Variants in ZNF160 observed in about 807,000 individuals in gnomAD.
ZNF160 encodes the protein KRAB zinc finger protein KR18.
In ZNF160, 9 loss-of-function variants were observed where a neutral mutation model predicts 13.1. The ratio of observed to expected loss-of-function variants is 0.69; its 90% CI spans 0.41 to 1.20. The LOEUF is 1.20. Ranked by LOEUF, ZNF160 falls within the 50% of genes most tolerant of loss-of-function variation. The pLI is 0.01. For missense variants in ZNF160, 838 were observed against 988.0 expected, an observed-to-expected ratio of 0.85 and a Z score of 2.04; for synonymous variants, 293 against 333.2, an observed-to-expected ratio of 0.88 and a Z score of 1.31.
chr19:53,093,894 A>C (rs893046721), intron 1 of ZNF160, among the ~76,000 whole-genome samples: 1 of 152,218 alleles, frequency 6.6e-6, no homozygotes, highest in Admixed American at 6.5e-5. Flanking sequence ...AATTTCAGCT[A>C]ATTGAAAAAA....
rs2145441032 is a variant in ZNF160 at position 53,069,545 on chromosome 19, G to A, written c.989C>T (p.Thr330Ile). 2 of 1,614,026 alleles carry A rather than the reference G, an allele frequency of 1.2e-6. No individual in the cohort carries two copies. Among genetic ancestry groups the A allele is most frequent in the Non-Finnish European group, 1.7e-6 (2 of 1,180,012 alleles). Residue 330 changes from threonine (T) to isoleucine (I), a missense_variant, in exon 6 of 6, where the codon ACT becomes ATT. Thr to Ile is a moderately conservative substitution (Grantham distance 89, BLOSUM62 -1). Transcript: ENST00000683776. This position sits in a 1 kb window ranked among gnomAD's most constrained non-coding sequence, Gnocchi z 4.4. ...CTCTCCAGTATGAATTCGCCGATGA[G>A]TTGCAAGGTATGAATTGTGCCTGAA... is the stretch of plus-strand genomic sequence containing the variant. ...KVFRHNSYLA[T>I]HRRIHTGEKP... is the part of the protein sequence containing the mutation.
At chr19:53,086,080 TTCATGTCACTGGA>T (rs1283922731) in intron 3 of ZNF160, 169 bp downstream of exon 3, 1 of 1,371,386 alleles carries the variant, frequency 7.3e-7, no homozygotes, top group African/African-American at 1.4e-5. Flanking sequence ...TCTTCCCAAG[TTCATGTCACTGGA>T]TCACGGGAGA....
intron 3 of ZNF160, among the ~76,000 whole-genome samples, chr19:53,078,799 CAA>C (rs11286009): frequency 1.8e-4 from 25 of 141,218 alleles, no homozygotes; most frequent in East Asian, 2.1e-4. Context: ...GAGCAGCAAT[CAA>C]AAAAAAAAAA....
At chr19:53,092,464 C>G (rs6509723) in intron 1 of ZNF160, among the ~76,000 whole-genome samples, 86,504 of 151,940 alleles carry the variant, frequency 0.57, 25,032 homozygotes, top group Non-Finnish European at 0.61. Flanking sequence ...GCACACGCCA[C>G]TAGGCCCAGC....
intron 4 of ZNF160, among the ~76,000 whole-genome samples, chr19:53,074,657 G>A (rs1023924939): frequency 7.6e-6 from 1 of 131,556 alleles, no homozygotes; most frequent in African/African-American, 2.9e-5. Context: ...GCGACAGAGC[G>A]AGACTCCGCC....
chr19:53,069,530 T>G lies in ZNF160; in HGVS notation c.1004A>C (p.His335Pro). Residue 335 changes from histidine to proline, a missense_variant, in exon 6 of 6, where the codon CAT (histidine) becomes CCT (proline). By Grantham distance (77) the His-to-Pro change is moderately conservative. Transcript: ENST00000683776. The surrounding 1 kb of genome is among the most constrained non-coding windows in gnomAD (Gnocchi z 4.4). ...ACACTTGTAAGGTTTCTCTCCAGTA[T>G]GAATTCGCCGATGAGTTGCAAGGTA... ...NSYLATHRRI[H>P]TGEKPYKCNE... 6.2e-7 allele frequency: 1 copy of G among 1,614,212 alleles called. No individual in the cohort carries two copies. Among genetic ancestry groups the G allele is most frequent in the Non-Finnish European group, 8.5e-7 (1 of 1,180,040 alleles).
intron 3 of ZNF160, among the ~76,000 whole-genome samples, chr19:53,080,034 A>AAG (rs2084566084): frequency 6.6e-6 from 1 of 152,178 alleles, no homozygotes; most frequent in Non-Finnish European, 1.5e-5. Flanking sequence ...ATTCCACTAA[A>AAG]AGACTCCTAG....
At chr19:53,078,986 T>C (rs567280904) in intron 3 of ZNF160, among the ~76,000 whole-genome samples, 10 of 152,120 alleles carry the variant, frequency 6.6e-5, no homozygotes, top group Admixed American at 2.0e-4. Flanking sequence ...CAAGCAAATA[T>C]ATGACAAGGA....
intron 1 of ZNF160, among the ~76,000 whole-genome samples, chr19:53,098,731 C>T (rs112950227): frequency 0.039 from 4,930 of 127,200 alleles, 15 homozygotes; most frequent in Middle Eastern, 0.08. Flanking sequence ...CCCCTGACTG[C>T]GAGCGCATCA....
At position 53,067,698 on chromosome 19, in the gene ZNF160, A is replaced by AAT. The variant is rs2084010099; in HGVS notation, c.*377_*378dup. 1 of 167,846 alleles carries AAT rather than the reference A, an allele frequency of 6.0e-6. No individual in the cohort carries two copies. The highest frequency in any genetic ancestry group is 2.4e-5 in the African/African-American group (1 of 42,020). 10.4% of individuals were successfully genotyped at this position (167,846 alleles called of 1,614,324 possible). ...GCAACCTTTTCGTATGTGAGTTAAA[A>AAT]ATATATAATTTTTAGCATATTTGGA... On this transcript the variant is annotated 3_prime_UTR_variant, in exon 6 of 6. Coordinates refer to ENST00000683776, the MANE Select transcript of ZNF160 (RefSeq NM_001322131.2).
rs778682339 is a variant in ZNF160 at position 53,067,853 on chromosome 19, C to T, written c.*224G>A. On this transcript the variant is annotated 3_prime_UTR_variant, in exon 6 of 6. Transcript: ENST00000683776. Reference sequence around the variant, plus strand: ...CTCAGGATGCATATTACATTTGTTTCGTTTCATCAAAGATATAAATCTTGA... The same window carrying T: ...CTCAGGATGCATATTACATTTGTTTTGTTTCATCAAAGATATAAATCTTGA... The T allele has an allele frequency of 1.7e-5, 9 of 515,156 alleles. No homozygotes were observed. The highest frequency in any genetic ancestry group is 7.7e-5 in the African/African-American group (4 of 52,224). The allele number at this position is 515,156 out of a possible 1,614,324, so 31.9% of individuals were successfully genotyped here. A position where few individuals can be genotyped will look rare whatever the true frequency, so the allele number is the denominator to read the frequency against.
chr19:53,089,028 A>G (rs150052135), intron 2 of ZNF160, among the ~76,000 whole-genome samples: 259 of 152,302 alleles, frequency 1.7e-3, no homozygotes, highest in African/African-American at 6.1e-3. Context: ...CCTTTGCAAC[A>G]TACTTTATAA....
At chr19:53,077,620 G>T (rs907613526) in intron 3 of ZNF160, among the ~76,000 whole-genome samples, 1 of 141,258 alleles carries the variant, frequency 7.1e-6, no homozygotes, top group African/African-American at 2.6e-5. Context: ...AGTGAGCTGG[G>T]ATCCCACCAC....
At chr19:53,082,770 C>T (rs1298117287) in intron 3 of ZNF160, among the ~76,000 whole-genome samples, 1 of 152,190 alleles carries the variant, frequency 6.6e-6, no homozygotes, top group African/African-American at 2.4e-5. Context: ...GGGTATCCTC[C>T]AACCCCAGTT....
intron 3 of ZNF160, among the ~76,000 whole-genome samples, chr19:53,081,615 C>G (rs1008435627): frequency 6.7e-6 from 1 of 149,012 alleles, no homozygotes; most frequent in African/African-American, 2.4e-5. Flanking sequence ...AAAAAAACAA[C>G]AAATATTGAC....
intron 3 of ZNF160, chr19:53,075,474 C>T (rs1302181696): frequency 8.1e-6 from 3 of 368,598 alleles, no homozygotes; most frequent in East Asian, 1.3e-4. Context: ...AACTAAGGCT[C>T]GGTGGGTGGT....
At chr19:53,089,109 G>A (rs1168275190) in intron 2 of ZNF160, among the ~76,000 whole-genome samples, 2 of 152,164 alleles carry the variant, frequency 1.3e-5, no homozygotes, top group Non-Finnish European at 2.9e-5. Context: ...CCTGAGGAGG[G>A]GGGTCAAGTG....
intron 1 of ZNF160, 100 bp downstream of exon 1, chr19:53,103,165 A>C (rs1197848747): frequency 6.6e-6 from 1 of 152,190 alleles, no homozygotes; most frequent in Non-Finnish European, 1.5e-5. Flanking sequence ...GGCCGTGTTT[A>C]CTTGGCCCAA....
rs11286009 is a variant in ZNF160, at chr19:53,078,799, C to CAA, written c.16-3618_16-3617dup. ...GTAGTAAGGCAACTGGAGCAGCAAT[C>CAA]AAAAAAAAAAAAAATCCTAGAACAA... On this transcript the variant is annotated intron_variant, in intron 3 of 5. Coordinates refer to ENST00000683776, the MANE Select transcript of ZNF160 (RefSeq NM_001322131.2). Among the ~76,000 whole-genome samples the CAA allele has an allele frequency of 7.4e-3, 1,044 of 141,208 alleles. 11 individuals are homozygous for CAA. The highest frequency in any genetic ancestry group is 0.022 in the African/African-American group (865 of 38,836). 92.6% of individuals were successfully genotyped at this position (141,208 alleles called of 152,430 possible). A position where few individuals can be genotyped will look rare whatever the true frequency, so the allele number is the denominator to read the frequency against.
Sources: allele counts gnomAD v4.1 joint callset (sites outside exome capture counted in the v4.1 genomes callset), GRCh38; gene constraint gnomAD v4.1.1; non-coding constraint Gnocchi (gnomAD v3.1); transcripts MANE v1.5; gene names NCBI Gene and HGNC (gene_info 2026-07-23, HGNC 2026-07-21).